The following SHB variants were observed in gnomAD, a reference collection of about 807,000 sequenced individuals.
SHB encodes the protein SH2 domain containing adaptor protein B, also known as SH2 domain-containing adapter protein B.
In SHB, 20 loss-of-function variants were observed where a neutral mutation model predicts 52.3. That is an observed-to-expected ratio of 0.38 (90% CI 0.27 to 0.56). The LOEUF (loss-of-function observed/expected upper bound fraction) is 0.56, where lower values mean the gene tolerates loss of function less well. SHB is among the 20% of genes least tolerant of loss of function. The pLI, the probability that SHB is intolerant of heterozygous loss-of-function variation, is 0.71. For missense variants in SHB, 825 were observed against 723.3 expected, an observed-to-expected ratio of 1.14 and a Z score of -1.61; for synonymous variants, 397 against 316.5, an observed-to-expected ratio of 1.25 and a Z score of -2.70.
intron 1 of SHB, among the ~76,000 whole-genome samples, chr9:38,020,404 C>T (rs537222005): frequency 6.6e-6 from 1 of 152,332 alleles, no homozygotes; most frequent in South Asian, 2.1e-4. Context: ...AAGCTAGAGC[C>T]AGCACCCTTC....
intron 1 of SHB, among the ~76,000 whole-genome samples, chr9:38,057,893 T>C (rs936972875): frequency 7.2e-5 from 11 of 152,236 alleles, no homozygotes; most frequent in Non-Finnish European, 1.6e-4. Context: ...AGCAAAACAG[T>C]GGCTGCTCCA....
intron 2 of SHB, among the ~76,000 whole-genome samples, chr9:37,993,589 A>G (rs1388876435): frequency 1.3e-5 from 2 of 152,140 alleles, no homozygotes; most frequent in Non-Finnish European, 2.9e-5. Flanking sequence ...ACAATGAAGA[A>G]ATCCTATTCT....
At chr9:38,045,706 C>T (rs1360920830) in intron 1 of SHB, among the ~76,000 whole-genome samples, 2 of 152,178 alleles carry the variant, frequency 1.3e-5, no homozygotes, top group Non-Finnish European at 2.9e-5. Context: ...AGATCCTACA[C>T]AGCACAACAC....
intron 4 of SHB, among the ~76,000 whole-genome samples, chr9:37,953,851 G>C (rs1382733105): frequency 1.3e-5 from 2 of 152,158 alleles, no homozygotes; most frequent in African/African-American, 4.8e-5. Flanking sequence ...GATGAGTCAG[G>C]ACTTCTGACT....
At chr9:37,993,742 A>G (rs1240993029) in intron 2 of SHB, among the ~76,000 whole-genome samples, 1 of 152,140 alleles carries the variant, frequency 6.6e-6, no homozygotes, top group African/African-American at 2.4e-5. Context: ...CACCGTTGAG[A>G]AATACGGAAT....
chr9:37,937,619 C>T (rs77163308), intron 5 of SHB, among the ~76,000 whole-genome samples: 19,778 of 152,218 alleles, frequency 0.13, 1,671 homozygotes, highest in South Asian at 0.22. Flanking sequence ...AGGGCAAGGG[C>T]GCCTGCGTGC....
At chr9:38,002,537 G>A (rs952371561) in intron 2 of SHB, among the ~76,000 whole-genome samples, 1 of 152,112 alleles carries the variant, frequency 6.6e-6, no homozygotes, top group African/African-American at 2.4e-5. Flanking sequence ...ACTGGAAGGG[G>A]CCCTGGGCTA....
At chr9:38,002,841 T>A (rs1821034923) in intron 2 of SHB, among the ~76,000 whole-genome samples, 1 of 152,046 alleles carries the variant, frequency 6.6e-6, no homozygotes. Context: ...TTCCCTGGGG[T>A]GGAGACCGTG....
At chr9:37,922,825 G>A (rs1189205011) in intron 5 of SHB, among the ~76,000 whole-genome samples, 3 of 152,158 alleles carry the variant, frequency 2.0e-5, no homozygotes, top group African/African-American at 7.2e-5. Flanking sequence ...TTCTCCTGCT[G>A]CATCCACAGG....
At chr9:38,033,526 A>G in intron 1 of SHB, among the ~76,000 whole-genome samples, 1 of 152,238 alleles carries the variant, frequency 6.6e-6, no homozygotes, top group East Asian at 1.9e-4. Context: ...TCCACAAAAA[A>G]TAAAAATTAA....
At chr9:38,064,205 A>G (rs954849788) in intron 1 of SHB, among the ~76,000 whole-genome samples, 1 of 151,884 alleles carries the variant, frequency 6.6e-6, no homozygotes, top group Non-Finnish European at 1.5e-5. Context: ...CAGAACTACA[A>G]CTGTCCCCTA....
intron 2 of SHB, among the ~76,000 whole-genome samples, chr9:37,980,145 G>A (rs2117982194): frequency 6.6e-6 from 1 of 152,238 alleles, no homozygotes; most frequent in South Asian, 2.1e-4. Context: ...AATAAAATTT[G>A]CCACATAGAT....
rs1832094180 is a variant in SHB at position 37,916,085 on chromosome 9, C to T, written c.*3736G>A. On this transcript the variant is annotated 3_prime_UTR_variant, in exon 6 of 6. Coordinates refer to ENST00000377707, the MANE Select transcript of SHB (RefSeq NM_003028.3). ...CCAAGGGGCACCTGTGTTCCAGGAC[C>T]AAGGGGCTTGCCCTCCTGCAAGCGC... Among the ~76,000 whole-genome samples, 1 of 151,984 alleles carries T rather than the reference C, an allele frequency of 6.6e-6. No individual in the cohort carries two copies. Among genetic ancestry groups the T allele is most frequent in the Non-Finnish European group, 1.5e-5 (1 of 68,030 alleles).
intron 2 of SHB, among the ~76,000 whole-genome samples, chr9:37,998,380 G>C (rs901169109): frequency 3.9e-5 from 6 of 152,158 alleles, no homozygotes; most frequent in South Asian, 4.2e-4. Context: ...CACCCTCAGG[G>C]CCAGATACAT....
At chr9:38,008,373 T>C (rs1400451138) in intron 2 of SHB, among the ~76,000 whole-genome samples, 2 of 152,238 alleles carry the variant, frequency 1.3e-5, no homozygotes, top group African/African-American at 2.4e-5. Flanking sequence ...AGCCCTGCTG[T>C]TTCTTAAGAA....
At chr9:38,019,528 G>A (rs1821257719) in intron 1 of SHB, among the ~76,000 whole-genome samples, 1 of 152,246 alleles carries the variant, frequency 6.6e-6, no homozygotes, top group African/African-American at 2.4e-5. Context: ...AGAGGAAGGT[G>A]GGTGTTGCCC....
intron 1 of SHB, among the ~76,000 whole-genome samples, chr9:38,035,364 A>G (rs943403020): frequency 6.6e-6 from 1 of 151,884 alleles, no homozygotes; most frequent in African/African-American, 2.4e-5. Flanking sequence ...GAGGACCTAG[A>G]CTGAGATCCT....
At chr9:38,004,402 G>A (rs922627591) in intron 2 of SHB, among the ~76,000 whole-genome samples, 11 of 152,194 alleles carry the variant, frequency 7.2e-5, no homozygotes, top group Non-Finnish European at 1.3e-4. Context: ...GGGAAGGGCC[G>A]CGGTGGAGCT....
chr9:38,055,283 A>C (rs529403442), intron 1 of SHB, among the ~76,000 whole-genome samples: 25 of 152,182 alleles, frequency 1.6e-4, no homozygotes, highest in African/African-American at 6.0e-4. Context: ...CTTTAATACC[A>C]ATTTGTTTAT....
Sources: allele counts gnomAD v4.1 joint callset (sites outside exome capture counted in the v4.1 genomes callset), GRCh38; gene constraint gnomAD v4.1.1; transcripts MANE v1.5; gene names NCBI Gene and HGNC (gene_info 2026-07-23, HGNC 2026-07-21).